GLI2: variants seen among roughly 807,000 people sequenced by gnomAD.
GLI2 encodes GLI family zinc finger 2.
Under a neutral mutation model 78.9 loss-of-function variants are expected in GLI2, and 22 were observed. The observed-to-expected ratio is 0.28, with a 90% CI of 0.20 to 0.40. GLI2 has a LOEUF of 0.40. Among genes scored for constraint, GLI2 ranks in the 10% least tolerant of loss-of-function variants. GLI2 has a pLI of 1.00. For missense variants in GLI2, 2,097 were observed against 2,213.2 expected (o/e 0.95, Z 1.05); for synonymous variants, 974 against 963.7 (o/e 1.01, Z -0.20).
At chr2:120,928,005 C>A (rs1014461273) in intron 3 of GLI2, among the ~76,000 whole-genome samples, 2 of 152,192 alleles carry the variant, frequency 1.3e-5, no homozygotes, top group Non-Finnish European at 2.9e-5. Flanking sequence ...CCTGCCTAAC[C>A]CTGTCCCTGT....
intron 8 of GLI2, among the ~76,000 whole-genome samples, chr2:120,974,245 TC>T (rs1182280520): frequency 1.3e-5 from 2 of 152,064 alleles, no homozygotes; most frequent in African/African-American, 4.8e-5. Flanking sequence ...TATGAGCCTC[TC>T]CCTGTGCCCC....
rs574342960 is a variant in GLI2 at position 120,870,017 on chromosome 2, T to A, written c.149-57344T>A. Among the ~76,000 whole-genome samples the A allele has an allele frequency of 9.8e-5, 15 of 152,334 alleles. No homozygotes were observed. The South Asian group carries it at 2.9e-3, about 29-fold the overall frequency. On this transcript the variant is annotated intron_variant, in intron 2 of 13. Coordinates refer to ENST00000361492, the MANE Select transcript of GLI2 (RefSeq NM_001374353.1). ...TTCCAATTTCTAACATGTATAAATATGTTGGGCTAATATACAGTAATGGCT... is the reference window on the plus strand; with the variant it reads ...TTCCAATTTCTAACATGTATAAATAAGTTGGGCTAATATACAGTAATGGCT...
At chr2:120,857,579 A>T (rs1460523602) in intron 2 of GLI2, among the ~76,000 whole-genome samples, 8 of 133,346 alleles carry the variant, frequency 6.0e-5, no homozygotes, top group Non-Finnish European at 9.6e-5. Flanking sequence ...CCATCCACCC[A>T]CCCATTAACT....
At chr2:120,751,636 C>T (rs955425497) in intron 1 of GLI2, among the ~76,000 whole-genome samples, 1 of 152,122 alleles carries the variant, frequency 6.6e-6, no homozygotes, top group African/African-American at 2.4e-5. Flanking sequence ...GCATTCTGGA[C>T]TCCAGGCCCA....
chr2:120,931,050 T>C (rs564367256), intron 3 of GLI2, among the ~76,000 whole-genome samples: 1 of 152,360 alleles, frequency 6.6e-6, no homozygotes, highest in African/African-American at 2.4e-5. Context: ...ACTGGTTGGA[T>C]TCCTGAAGAG....
intron 2 of GLI2, among the ~76,000 whole-genome samples, chr2:120,922,874 G>T (rs951357287): frequency 1.3e-5 from 2 of 152,102 alleles, no homozygotes; most frequent in East Asian, 1.9e-4. Flanking sequence ...CTGCAGCCCT[G>T]CCTACCTGGA....
chr2:120,871,532 A>G (rs941278578), intron 2 of GLI2, among the ~76,000 whole-genome samples: 21 of 152,196 alleles, frequency 1.4e-4, no homozygotes, highest in African/African-American at 4.8e-4. Flanking sequence ...CCTCCTGTGC[A>G]CCGGAGCTGT....
chr2:120,939,069 G>A (rs1680329368), intron 3 of GLI2, among the ~76,000 whole-genome samples: 1 of 152,204 alleles, frequency 6.6e-6, no homozygotes, highest in Non-Finnish European at 1.5e-5. Flanking sequence ...ATCACCTGAG[G>A]TCGGAAGTTC....
chr2:120,789,810 C>T (rs540172133), intron 1 of GLI2, among the ~76,000 whole-genome samples: 3 of 152,332 alleles, frequency 2.0e-5, no homozygotes, highest in East Asian at 1.9e-4. Context: ...CCAGCACTGC[C>T]GTATCTTAGC....
chr2:120,989,400 GCCTCCAC>G lies in GLI2; in HGVS notation c.3439_3445del (p.Pro1147PhefsTer54). On this transcript the variant is annotated frameshift_variant, in exon 14 of 14. Coordinates refer to ENST00000361492, the MANE Select transcript of GLI2 (RefSeq NM_001374353.1). LOFTEE classifies it low-confidence loss of function (END_TRUNC). ...TAGACGCCCTGGCCAGCCAGGTGAA[GCCTCCAC>G]CCTTTCCTCAGGGCAACCTGGCGGT... 6.2e-7 allele frequency: 1 copy of G among 1,613,052 alleles called. No homozygotes were observed. The highest frequency in any genetic ancestry group is 8.5e-7 in the Non-Finnish European group (1 of 1,179,974).
At chr2:120,878,308 C>A (rs2104700965) in intron 2 of GLI2, among the ~76,000 whole-genome samples, 1 of 152,276 alleles carries the variant, frequency 6.6e-6, no homozygotes, top group South Asian at 2.1e-4. Context: ...TTCTTCTTGC[C>A]AATAATGGCT....
intron 5 of GLI2, among the ~76,000 whole-genome samples, chr2:120,961,961 A>C (rs2166563): frequency 0.8 from 121,765 of 151,956 alleles, 52,854 homozygotes; most frequent in East Asian, 1. Context: ...TCCTGGGACC[A>C]GGTGCCAGGA....
chr2:120,824,597 C>T (rs923488734), intron 2 of GLI2, among the ~76,000 whole-genome samples: 2 of 151,784 alleles, frequency 1.3e-5, no homozygotes, highest in Admixed American at 1.3e-4. Flanking sequence ...CCCCTTTGGG[C>T]CCCCTTTGGG....
Position 120,797,439 on chromosome 2 carries a change from C to A in GLI2, c.119C>A (p.Ala40Glu), listed in dbSNP as rs146868972. 21 of 1,613,922 alleles carry A rather than the reference C, an allele frequency of 1.3e-5. 1 individual carries two copies. The highest frequency in any genetic ancestry group is 1.8e-5 in the Non-Finnish European group (21 of 1,179,834). The stretch of plus-strand genomic sequence containing the variant: ...GCCTCTCCTTTGGTGGTGGCTGCAG[C>A]GGCAGCAGCAGCGGTAGCTGCCCAA... ...KKASPLVVAA[A>E]AAAAVAAQGV... Residue 40 changes from alanine to glutamate, a missense_variant, in exon 2 of 14, where the codon GCG (alanine) becomes GAG (glutamate). By Grantham distance (107) the Ala-to-Glu change is moderately radical. This residue lies in a region of GLI2 where 578 missense variants were observed against 612.0 expected (regional missense o/e 0.94). Coordinates refer to ENST00000361492, the MANE Select transcript of GLI2 (RefSeq NM_001374353.1).
At chr2:120,780,660 C>A (rs1683817072) in intron 1 of GLI2, among the ~76,000 whole-genome samples, 1 of 152,206 alleles carries the variant, frequency 6.6e-6, no homozygotes, top group Non-Finnish European at 1.5e-5. Context: ...CACTACACTA[C>A]AGACACAGCA....
chr2:120,924,309 G>A (rs974317077), intron 2 of GLI2, among the ~76,000 whole-genome samples: 4 of 152,156 alleles, frequency 2.6e-5, no homozygotes, highest in Admixed American at 2.6e-4. Context: ...GGTCGATGGG[G>A]GTCTGGGATC....
intron 1 of GLI2, among the ~76,000 whole-genome samples, chr2:120,787,203 C>T (rs945408208): frequency 6.6e-6 from 1 of 152,144 alleles, no homozygotes. Flanking sequence ...GGCAGAGGAA[C>T]CGCGTGATCA....
At chr2:120,753,935 A>G (rs1291396268) in intron 1 of GLI2, among the ~76,000 whole-genome samples, 1 of 151,520 alleles carries the variant, frequency 6.6e-6, no homozygotes, top group Non-Finnish European at 1.5e-5. Context: ...AAAAAAAACA[A>G]CTATTTCCTC....
intron 2 of GLI2, among the ~76,000 whole-genome samples, chr2:120,802,157 C>T (rs1412857067): frequency 2.6e-5 from 4 of 152,180 alleles, no homozygotes; most frequent in African/African-American, 4.8e-5. Context: ...GCCTCTGTTG[C>T]CTGACTTCCC....
Sources: allele counts gnomAD v4.1 joint callset (sites outside exome capture counted in the v4.1 genomes callset), GRCh38; gene constraint gnomAD v4.1.1; regional missense constraint gnomAD v4.1.1; transcripts MANE v1.5; gene names NCBI Gene and HGNC (gene_info 2026-07-23, HGNC 2026-07-21).